RPS6KA6: variants seen among roughly 807,000 people sequenced by gnomAD.
The protein encoded by RPS6KA6 is ribosomal protein S6 kinase A6, also known as ribosomal protein S6 kinase alpha-6.
In RPS6KA6, 27 loss-of-function variants were observed where a neutral mutation model predicts 65.4. The ratio of observed to expected loss-of-function variants is 0.41; its 90% confidence interval spans 0.30 to 0.57. The LOEUF is 0.57. RPS6KA6 is among the 20% of genes least tolerant of loss of function. The probability of loss-of-function intolerance (pLI) is 0.24; values close to 1 mark genes in which losing one functional copy is unlikely to be tolerated. For synonymous variants in RPS6KA6, 190 were observed against 184.2 expected, an observed-to-expected ratio of 1.03 and a Z score of -0.26; for missense variants, 486 against 555.6, an observed-to-expected ratio of 0.87 and a Z score of 1.26.
At chrX:84,066,206 GTTT>G (rs1207109128) in intron 20 of RPS6KA6, among the ~76,000 whole-genome samples, 1 of 95,893 alleles carries the variant, frequency 1.0e-5, no homozygotes, top group African/African-American at 3.8e-5. Context: ...GCTAGCTGCA[GTTT>G]TTTTTTTTTT....
intron 20 of RPS6KA6, among the ~76,000 whole-genome samples, chrX:84,067,824 T>A (rs1031865933): frequency 1.8e-5 from 2 of 111,225 alleles, no homozygotes; most frequent in Admixed American, 1.9e-4. Context: ...CATCAGATAC[T>A]CCAAGTTTGA....
At chrX:84,180,964 G>T (rs748635185) in intron 1 of RPS6KA6, among the ~76,000 whole-genome samples, 2 of 111,754 alleles carry the variant, frequency 1.8e-5, no homozygotes, top group Non-Finnish European at 3.8e-5. Flanking sequence ...TTTGAAGAAT[G>T]AATAAAACTG....
intron 9 of RPS6KA6, among the ~76,000 whole-genome samples, chrX:84,118,759 G>C (rs1419366260): frequency 1.8e-5 from 2 of 111,552 alleles, no homozygotes; most frequent in Non-Finnish European, 3.8e-5. Flanking sequence ...TCTTACAATT[G>C]TCTTTAAAGA....
chrX:84,090,851 C>T (rs2034030218), intron 20 of RPS6KA6, among the ~76,000 whole-genome samples: 1 of 111,799 alleles, frequency 8.9e-6, no homozygotes, highest in South Asian at 3.8e-4. Flanking sequence ...ATGTCCATTA[C>T]TACAGAAACA....
intron 12 of RPS6KA6, among the ~76,000 whole-genome samples, chrX:84,108,710 T>C (rs2147440900): frequency 8.9e-6 from 1 of 111,789 alleles, no homozygotes; most frequent in East Asian, 2.8e-4. Flanking sequence ...GCAGAGGTAC[T>C]GCTCAAGCCC....
At chrX:84,087,521 T>A (rs181963452) in intron 20 of RPS6KA6, among the ~76,000 whole-genome samples, 5 of 111,422 alleles carry the variant, frequency 4.5e-5, no homozygotes, top group African/African-American at 1.6e-4. Flanking sequence ...CACAGAGAGG[T>A]CAGCTGTTAG....
intron 5 of RPS6KA6, among the ~76,000 whole-genome samples, chrX:84,146,409 T>C (rs940019476): frequency 1.8e-5 from 2 of 111,710 alleles, no homozygotes; most frequent in Non-Finnish European, 3.8e-5. Context: ...AGATAGACGA[T>C]AGATAAATAG....
rs185462993 is a variant in RPS6KA6, at chrX:84,159,340, A to G, written c.142-3149T>C. Reference sequence around the variant, plus strand: ...TTCTTCCCTCCACCTCCCTGTCTTCAGGTTCTGCACCATTTCAAAAGCTTG... The same window carrying G: ...TTCTTCCCTCCACCTCCCTGTCTTCGGGTTCTGCACCATTTCAAAAGCTTG... On this transcript the variant is annotated intron_variant, in intron 2 of 21. Coordinates refer to ENST00000262752, the MANE Select transcript of RPS6KA6 (RefSeq NM_014496.5). Among the ~76,000 whole-genome samples, 164 of 110,819 alleles carry G rather than the reference A, an allele frequency of 1.5e-3. 1 individual carries two copies. The highest frequency in any genetic ancestry group is 4.9e-3 in the African/African-American group (151 of 30,540).
Position 84,072,332 on chromosome X carries a change from G to A in RPS6KA6, c.1972-7221C>T, listed in dbSNP as rs971891684. On this transcript the variant is annotated intron_variant, in intron 20 of 21. Transcript: ENST00000262752. The stretch of plus-strand genomic sequence containing the variant: ...ATGATAAATTTAAAATGCAGAAAAA[G>A]CATTTGATAAAATTCAACATCCATT... Among the ~76,000 whole-genome samples, 5 of 111,601 alleles carry A rather than the reference G, an allele frequency of 4.5e-5. 1 individual carries two copies. Among genetic ancestry groups the A allele is most frequent in the Non-Finnish European group, 7.5e-5 (4 of 53,028 alleles).
intron 2 of RPS6KA6, among the ~76,000 whole-genome samples, chrX:84,163,989 A>C (rs2147607195): frequency 8.9e-6 from 1 of 112,380 alleles, no homozygotes; most frequent in South Asian, 3.6e-4. Context: ...CTGAGGTTGA[A>C]GATAATCTTC....
chrX:84,098,034 C>G (rs1224908480), intron 18 of RPS6KA6, among the ~76,000 whole-genome samples, 186 bp from the exon 19 acceptor site: 2 of 110,891 alleles, frequency 1.8e-5, no homozygotes, highest in East Asian at 5.6e-4. Flanking sequence ...TCTTAGGAAA[C>G]CAGATATAGA....
chrX:84,150,975 TAGGATATATATATAG>T (rs1478489845), intron 3 of RPS6KA6, among the ~76,000 whole-genome samples: 1 of 93,781 alleles, frequency 1.1e-5, no homozygotes, highest in Admixed American at 1.3e-4. Flanking sequence ...AGGATATATA[TAGGATATATATATAG>T]AGGATATATA....
chrX:84,131,421 C>G (rs905871365), intron 8 of RPS6KA6, among the ~76,000 whole-genome samples: 2 of 112,184 alleles, frequency 1.8e-5, no homozygotes, highest in African/African-American at 6.5e-5. Flanking sequence ...CCACTATGTT[C>G]TCTCTGTATA....
At chrX:84,111,226 T>C (rs371252825) in intron 12 of RPS6KA6, among the ~76,000 whole-genome samples, 1 of 110,449 alleles carries the variant, frequency 9.1e-6, no homozygotes, top group Non-Finnish European at 1.9e-5. Context: ...TTGCAACTTA[T>C]AGGCAGAAAG....
Position 84,104,763 on chromosome X carries a change from T to C in RPS6KA6, c.1456-106A>G, listed in dbSNP as rs979442024. The C allele has an allele frequency of 8.0e-6, 4 of 500,013 alleles. No homozygotes were observed. In the East Asian group the frequency reaches 1.7e-4, roughly 21 times the overall value. 41.2% of individuals were successfully genotyped at this position (500,013 alleles called of 1,213,427 possible). ...ACCTTTCTACTAGACTTCCCTCTAGTATTAGAAACAAAAAAGACATTATTC... is the reference window on the plus strand; with the variant it reads ...ACCTTTCTACTAGACTTCCCTCTAGCATTAGAAACAAAAAAGACATTATTC... On this transcript the variant is annotated intron_variant, in intron 16 of 21. Transcript: ENST00000262752.
intron 1 of RPS6KA6, among the ~76,000 whole-genome samples, chrX:84,172,087 G>T (rs1026708675): frequency 3.6e-5 from 4 of 111,768 alleles, no homozygotes; most frequent in South Asian, 3.8e-4. Context: ...ATCACTGATG[G>T]GCATTTAGGT....
At chrX:84,169,428 TA>T (rs5902844) in intron 1 of RPS6KA6, among the ~76,000 whole-genome samples, 6,492 of 101,973 alleles carry the variant, frequency 0.064, 225 homozygotes, top group East Asian at 0.21. Context: ...ACTGAGAAAT[TA>T]AAAAAAAAAA....
chrX:84,109,059 C>G (rs2034418907), intron 12 of RPS6KA6, among the ~76,000 whole-genome samples: 1 of 111,853 alleles, frequency 8.9e-6, no homozygotes, highest in Non-Finnish European at 1.9e-5. Flanking sequence ...CCAACACCAC[C>G]ATCACACTTG....
chrX:84,073,334 A>G (rs2033588426), intron 20 of RPS6KA6, among the ~76,000 whole-genome samples: 1 of 112,022 alleles, frequency 8.9e-6, no homozygotes, highest in South Asian at 3.7e-4. Context: ...ATGCAGAAGA[A>G]TAAAACTAGA....
Sources: allele counts gnomAD v4.1 joint callset (sites outside exome capture counted in the v4.1 genomes callset), GRCh38; gene constraint gnomAD v4.1.1; transcripts MANE v1.5; gene names NCBI Gene and HGNC (gene_info 2026-07-23, HGNC 2026-07-21).